Variants in SPIRE2 observed in about 807,000 individuals in gnomAD.
The protein encoded by SPIRE2 is protein spire homolog 2.
In SPIRE2, 76 loss-of-function variants were observed where a neutral mutation model predicts 80.7. That is an observed-to-expected ratio of 0.94 (90% CI 0.78 to 1.14). The LOEUF is 1.14. Ranked by LOEUF, SPIRE2 falls within the 50% of genes most tolerant of loss-of-function variation. SPIRE2 has a pLI of 0.00. For missense variants in SPIRE2, 1,196 were observed against 1,015.3 expected, an observed-to-expected ratio of 1.18 and a Z score of -2.42; for synonymous variants, 535 against 432.6, an observed-to-expected ratio of 1.24 and a Z score of -2.94.
In SPIRE2 at chr16:89,828,699, G is replaced by A; in HGVS notation, c.149G>A (p.Gly50Glu). The change falls in exon 1 of 15, where the codon GGG becomes GAG. Residue 50 changes from glycine (G) to glutamate (E), a missense_variant. Physicochemically the swap from Gly to Glu is moderately conservative, Grantham distance 98. Transcript: ENST00000378247. The surrounding 1 kb of genome is among the most constrained non-coding windows in gnomAD (Gnocchi z 5.9). ...GCCGTGTGCTTCCAGGGCTGCCGCG[G>A]GCTGCGGGGCTCGCCGGGCCGGCGC... ...AWAVCFQGCR[G>E]LRGSPGRRLR... 3.1e-6 allele frequency: 4 copies of A among 1,287,682 alleles called. No homozygotes were observed. The highest frequency in any genetic ancestry group is 3.9e-6 in the Non-Finnish European group (4 of 1,014,186). 79.8% of individuals were successfully genotyped at this position (1,287,682 alleles called of 1,614,324 possible). A position where few individuals can be genotyped will look rare whatever the true frequency, so the allele number is the denominator to read the frequency against.
At chr16:89,858,972 C>G (rs2041717803) in intron 8 of SPIRE2, among the ~76,000 whole-genome samples, 193 bp from the exon 9 acceptor site, 1 of 152,182 alleles carries the variant, frequency 6.6e-6, no homozygotes, top group African/African-American at 2.4e-5. Flanking sequence ...TTCCGGAAGG[C>G]CTGGGGAAGG....
chr16:89,867,411 G>A (rs1013980454), intron 12 of SPIRE2, among the ~76,000 whole-genome samples: 2 of 152,086 alleles, frequency 1.3e-5, no homozygotes, highest in East Asian at 1.9e-4. Flanking sequence ...CCAAAGTGCT[G>A]GGATTACAGG....
intron 1 of SPIRE2, among the ~76,000 whole-genome samples, chr16:89,831,432 C>T (rs1189736899): frequency 6.9e-6 from 1 of 144,330 alleles, no homozygotes; most frequent in African/African-American, 2.5e-5. Flanking sequence ...CAGTCTCGCT[C>T]TGTCGCCCAG....
Position 89,863,532 on chromosome 16 carries a change from G to A in SPIRE2, c.1632G>A (p.Val544=). The A allele has an allele frequency of 6.2e-7, 1 of 1,614,082 alleles. No individual in the cohort carries two copies. Among genetic ancestry groups the A allele is most frequent in the Non-Finnish European group, 8.5e-7 (1 of 1,180,030 alleles). ...TGACTGTGGAAGAGGTGATGGACGT[G>A]CGCCGTGTGCTGGTGAAGGCCGAGA... ...LALTVEEVMD[V]RRVLVKAEME... The change falls in exon 11 of 15, where the codon GTG becomes GTA. Residue 544 remains valine (V), a synonymous_variant. Transcript: ENST00000378247. The surrounding 1 kb of genome is among the most constrained non-coding windows in gnomAD (Gnocchi z 4.3).
Position 89,863,621 on chromosome 16 carries a change from C to G in SPIRE2, c.1710+11C>G. 1 of 1,614,046 alleles carries G rather than the reference C, an allele frequency of 6.2e-7. No individual in the cohort carries two copies. The highest frequency in any genetic ancestry group is 1.1e-5 in the South Asian group (1 of 91,074). ...CTGAAGAAGGGGAAGGTGAGGCTGC[C>G]TAGACGTGGGGCTACGCTCTTGCCC... On this transcript the variant is annotated intron_variant, in intron 11 of 14. Coordinates refer to ENST00000378247, the MANE Select transcript of SPIRE2 (RefSeq NM_032451.2). This position sits in a 1 kb window ranked among gnomAD's most constrained non-coding sequence, Gnocchi z 4.3.
intron 1 of SPIRE2, among the ~76,000 whole-genome samples, chr16:89,834,376 C>T (rs2041421256): frequency 1.6e-5 from 2 of 128,934 alleles, no homozygotes; most frequent in East Asian, 2.2e-4. Flanking sequence ...GTCGTAGAAG[C>T]CTGGATAAGC....
At chr16:89,845,655 T>C (rs13331995) in intron 2 of SPIRE2, 296,959 of 695,626 alleles carry the variant, frequency 0.43, 71,881 homozygotes, top group East Asian at 0.82. Context: ...AGCTGACGTC[T>C]GCAGGGCCGG....
chr16:89,859,029 G>T, intron 8 of SPIRE2, 136 bp from the exon 9 acceptor site: 1 of 747,416 alleles, frequency 1.3e-6, no homozygotes, highest in East Asian at 3.1e-5. Context: ...AGGCGGGCAG[G>T]CTGGGAAGTG....
intron 1 of SPIRE2, among the ~76,000 whole-genome samples, chr16:89,837,976 G>C (rs1558183): frequency 0.4 from 60,712 of 151,808 alleles, 13,312 homozygotes; most frequent in East Asian, 0.74. Flanking sequence ...CTCCCTCTGG[G>C]CTTCCATTTG....
chr16:89,839,950 C>T (rs954731272), intron 1 of SPIRE2, among the ~76,000 whole-genome samples: 10 of 152,352 alleles, frequency 6.6e-5, no homozygotes, highest in Admixed American at 4.6e-4. Context: ...TTCGAGGTAA[C>T]GCCATGCGTG....
chr16:89,869,741 G>A, intron 14 of SPIRE2, 59 bp downstream of exon 14: 1 of 1,347,068 alleles, frequency 7.4e-7, no homozygotes, highest in African/African-American at 1.4e-5. Flanking sequence ...AGAGGAACTT[G>A]GGAGCTGGGG....
intron 10 of SPIRE2, chr16:89,862,155 C>G (rs1004701821): frequency 1.3e-5 from 2 of 152,180 alleles, no homozygotes; most frequent in Non-Finnish European, 2.9e-5. Context: ...AGGCGCCCAC[C>G]ACCGCACCCG....
rs771098673 is a variant in SPIRE2, at chr16:89,858,467, C to T, written c.1232C>T (p.Ala411Val). 23 of 1,606,832 alleles carry T rather than the reference C, an allele frequency of 1.4e-5. No homozygotes were observed. Among genetic ancestry groups the T allele is most frequent in the Middle Eastern group, 1.7e-4 (1 of 6,058 alleles). ...CCGCGGCCCCGCGTGCTGCTCAAGGCGCCTACCTTGGCTGAAATGGAAGAG... is the reference window on the plus strand; with the variant it reads ...CCGCGGCCCCGCGTGCTGCTCAAGGTGCCTACCTTGGCTGAAATGGAAGAG... Reference protein sequence around the residue: ...QRPRPRVLLKAPTLAEMEEMN... With the variant: ...QRPRPRVLLKVPTLAEMEEMN... The change falls in exon 8 of 15, where the codon GCG becomes GTG. Residue 411 changes from alanine (A) to valine (V), a missense_variant. Coordinates refer to ENST00000378247, the MANE Select transcript of SPIRE2 (RefSeq NM_032451.2).
At chr16:89,866,891 G>A (rs941616948) in intron 12 of SPIRE2, among the ~76,000 whole-genome samples, 4 of 152,024 alleles carry the variant, frequency 2.6e-5, no homozygotes, top group Non-Finnish European at 5.9e-5. Context: ...TTACAGGCTT[G>A]AGCCACCGCG....
At position 89,859,178 on chromosome 16, in the gene SPIRE2, C is replaced by T. The variant is rs138861470; in HGVS notation, c.1286C>T (p.Pro429Leu). The stretch of plus-strand genomic sequence containing the variant: ...GTGTGTCCACAGGAAGAAGAGTCTC[C>T]GTGTGGGGAGGTGACGCTGAAACGG... ...EMNTSEEEES[P>L]CGEVTLKRDR... The change falls in exon 9 of 15, where the codon CCG becomes CTG. Residue 429 changes from proline to leucine, a missense_variant. Pro to Leu is a moderately conservative substitution (Grantham distance 98). Coordinates refer to ENST00000378247, the MANE Select transcript of SPIRE2 (RefSeq NM_032451.2). 52 of 1,582,832 alleles carry T rather than the reference C, an allele frequency of 3.3e-5. No homozygotes were observed. The highest frequency in any genetic ancestry group is 1.7e-4 in the Middle Eastern group (1 of 5,982).
chr16:89,834,526 A>T (rs374884885), intron 1 of SPIRE2, among the ~76,000 whole-genome samples: 1 of 52,040 alleles, frequency 1.9e-5, no homozygotes, highest in Non-Finnish European at 3.7e-5. Context: ...AGCATAGCCC[A>T]TGTGAATCTG....
intron 14 of SPIRE2, 35 bp downstream of exon 14, chr16:89,869,717 G>C (rs2041822634): frequency 6.5e-7 from 1 of 1,534,114 alleles, no homozygotes; most frequent in Non-Finnish European, 9.0e-7. Context: ...TGTCACTGTG[G>C]TGGTCGGGCG....
intron 12 of SPIRE2, among the ~76,000 whole-genome samples, chr16:89,866,576 T>A (rs2041790722): frequency 6.6e-6 from 1 of 152,016 alleles, no homozygotes; most frequent in African/African-American, 2.4e-5. Flanking sequence ...ATTACAGCGG[T>A]GAGCCACCAC....
rs2143818638 is a variant in SPIRE2, at chr16:89,858,392, C to T, written c.1157C>T (p.Thr386Ile). ...GCCTGCTCCGGAGATGCCAAGTCCACCTCCTGCATCAACCTGTCAGTCACA... is the reference window on the plus strand; with the variant it reads ...GCCTGCTCCGGAGATGCCAAGTCCATCTCCTGCATCAACCTGTCAGTCACA... Reference protein sequence around the residue: ...LNACSGDAKSTSCINLSVTDA... With the variant: ...LNACSGDAKSISCINLSVTDA... The change falls in exon 8 of 15, where the codon ACC becomes ATC. Residue 386 changes from threonine to isoleucine, a missense_variant. Transcript: ENST00000378247. 1 of 1,612,260 alleles carries T rather than the reference C, an allele frequency of 6.2e-7. No homozygotes were observed. Among genetic ancestry groups the T allele is most frequent in the Non-Finnish European group, 8.5e-7 (1 of 1,179,644 alleles).
Sources: gnomAD v4.1 joint callset for allele counts (sites outside exome capture counted in the v4.1 genomes callset) on GRCh38, gnomAD v4.1.1 for gene constraint, Gnocchi (gnomAD v3.1) non-coding constraint, MANE v1.5 for transcripts, NCBI Gene and HGNC (gene_info 2026-07-23, HGNC 2026-07-21) for gene names.